ENKUR: variants seen among roughly 807,000 people sequenced by gnomAD.
The protein encoded by ENKUR is enkurin, TRPC channel interacting protein.
A neutral mutation model predicts 27.6 loss-of-function variants in ENKUR; 19 were observed. That is an observed-to-expected ratio of 0.69 (90% confidence interval 0.48 to 1.01). The LOEUF is 1.01. ENKUR is among the 50% of genes least tolerant of loss of function. The pLI, the probability that ENKUR is intolerant of heterozygous loss-of-function variation, is 0.00. For missense variants in ENKUR, 312 were observed against 310.5 expected, an observed-to-expected ratio of 1.00 and a Z score of -0.04; for synonymous variants, 117 against 96.9, an observed-to-expected ratio of 1.21 and a Z score of -1.22.
chr10:25,044,057 CTG>C (rs1219371924), intron 2 of ENKUR, among the ~76,000 whole-genome samples: 1 of 151,970 alleles, frequency 6.6e-6, no homozygotes, highest in Non-Finnish European at 1.5e-5. Flanking sequence ...TCTGGATCAT[CTG>C]TAAGACTGTT....
At chr10:25,019,667 A>T (rs1268515763), upstream of ENKUR, among the ~76,000 whole-genome samples, 1 of 152,208 alleles carries the variant, frequency 6.6e-6, no homozygotes, top group East Asian at 1.9e-4. Flanking sequence ...GGACTTGCAC[A>T]TCTGCAGATT....
At chr10:25,042,188 G>A (rs575373286) in intron 2 of ENKUR, among the ~76,000 whole-genome samples, 62 of 151,122 alleles carry the variant, frequency 4.1e-4, no homozygotes, top group African/African-American at 1.5e-3. Flanking sequence ...ATTATTTTAT[G>A]TACATTTATA....
chr10:24,999,325 TTCA>T, intron 2 of ENKUR, 73 bp downstream of exon 2: 5 of 1,405,144 alleles, frequency 3.6e-6, no homozygotes, highest in Non-Finnish European at 4.9e-6. Context: ...ATGTTTAATA[TTCA>T]TCAACAATAA....
intron 2 of ENKUR, chr10:25,025,658 C>T (rs1437101149): frequency 1.0e-5 from 6 of 585,798 alleles, no homozygotes; most frequent in Non-Finnish European, 1.8e-5. Flanking sequence ...CAAAAGGTAA[C>T]ACAGTGCACG....
Position 25,022,913 on chromosome 10 carries a change from G to GT in ENKUR, c.38-27045dup, listed in dbSNP as rs549489186. 1.6e-3 allele frequency among the ~76,000 whole-genome samples: 251 copies of GT among 152,174 alleles called. 1 individual carries two copies. Among genetic ancestry groups the GT allele is most frequent in the African/African-American group, 5.5e-3 (230 of 41,562 alleles). On this transcript the variant is annotated intron_variant, in intron 2 of 5. Coordinates refer to the ENKUR transcript ENST00000615958. Reference sequence around the variant, plus strand: ...TGGCACTTTGTGAATACAAGTTTCTGTTTTTTATAGTTACAAATTTTGTCA... The same window carrying GT: ...TGGCACTTTGTGAATACAAGTTTCTGTTTTTTTATAGTTACAAATTTTGTCA...
intron 3 of ENKUR, among the ~76,000 whole-genome samples, chr10:24,992,729 T>C (rs1283594724): frequency 6.6e-6 from 1 of 152,186 alleles, no homozygotes; most frequent in Non-Finnish European, 1.5e-5. Flanking sequence ...TTGGGGATTG[T>C]TTGTCATCAC....
At chr10:25,055,843 A>G (rs911533904) in intron 2 of ENKUR, among the ~76,000 whole-genome samples, 31 of 152,108 alleles carry the variant, frequency 2.0e-4, no homozygotes, top group Admixed American at 1.6e-3. Context: ...CTACTTTTCC[A>G]TTAGAGGAAT....
intron 5 of ENKUR, 143 bp downstream of exon 5, chr10:24,984,593 T>G (rs1256728612): frequency 2.9e-6 from 3 of 1,043,622 alleles, no homozygotes; most frequent in Non-Finnish European, 4.0e-6. Flanking sequence ...AATTATTCTT[T>G]GCATATTGCC....
exon 1 of ENKUR, chr10:25,062,200 G>A (rs904687951): frequency 3.3e-5 from 5 of 152,140 alleles, no homozygotes; most frequent in East Asian, 1.9e-4. Context: ...CTAATCCTGC[G>A]TATTGAGTCA....
intron 2 of ENKUR, among the ~76,000 whole-genome samples, chr10:25,036,174 T>G (rs1474243614): frequency 6.6e-6 from 1 of 152,144 alleles, no homozygotes; most frequent in African/African-American, 2.4e-5. Flanking sequence ...AGTTCCCACA[T>G]GTTGTAGGAG....
In ENKUR at chr10:24,997,175, G is replaced by T. The variant is rs548891036; in HGVS notation, c.224-1306C>A. ...GCTGCAGTGTGCTTTCATCATGCCT[G>T]TGAATAGCCACCACACACTCCAGCC... On this transcript the variant is annotated intron_variant, in intron 2 of 5. Transcript: ENST00000331161. Among the ~76,000 whole-genome samples the T allele has an allele frequency of 2.6e-5, 4 of 152,114 alleles. No individual in the cohort carries two copies. The South Asian group carries it at 8.3e-4, about 32-fold the overall frequency.
chr10:25,053,794 T>A (rs1264234508), intron 2 of ENKUR, among the ~76,000 whole-genome samples: 1 of 134,998 alleles, frequency 7.4e-6, no homozygotes, highest in Non-Finnish European at 1.7e-5. Flanking sequence ...CAGCACTGAT[T>A]TTTTTTAAAT....
intron 2 of ENKUR, among the ~76,000 whole-genome samples, chr10:25,038,716 C>G (rs941441271): frequency 6.6e-6 from 1 of 152,176 alleles, no homozygotes; most frequent in African/African-American, 2.4e-5. Context: ...CCCTACAACC[C>G]TGTTTTAGGT....
At chr10:25,027,377 A>AAAAAC (rs1850875587) in intron 2 of ENKUR, among the ~76,000 whole-genome samples, 1 of 145,026 alleles carries the variant, frequency 6.9e-6, no homozygotes, top group African/African-American at 2.5e-5. Flanking sequence ...AAAAAAAAAA[A>AAAAAC]AAAAAAAAAA....
intron 2 of ENKUR, among the ~76,000 whole-genome samples, chr10:25,051,453 G>T (rs1851185382): frequency 6.6e-6 from 1 of 152,176 alleles, no homozygotes; most frequent in Non-Finnish European, 1.5e-5. Context: ...CATGATGCTG[G>T]CATCTGCTCA....
At position 24,984,198 on chromosome 10, in the gene ENKUR, A is replaced by G; in HGVS notation, c.*172T>C. 1 of 659,606 alleles carries G rather than the reference A, an allele frequency of 1.5e-6. No homozygotes were observed. The highest frequency in any genetic ancestry group is 2.4e-6 in the Non-Finnish European group (1 of 412,236). The allele number at this position is 659,606 out of a possible 1,614,324, so 40.9% of individuals were successfully genotyped here. On this transcript the variant is annotated 3_prime_UTR_variant, in exon 6 of 6. Transcript: ENST00000331161. ...CATATACAGTGTTACGAATACTGAA[A>G]ATATTTCTCACTGGGAATAACTGCA...
At chr10:25,045,982 T>A (rs1177990934) in intron 2 of ENKUR, among the ~76,000 whole-genome samples, 1 of 152,200 alleles carries the variant, frequency 6.6e-6, no homozygotes, top group East Asian at 1.9e-4. Context: ...ATTTCATAGT[T>A]CAAATATAAT....
At chr10:25,052,538 G>A (rs1030966627) in intron 2 of ENKUR, among the ~76,000 whole-genome samples, 1 of 152,140 alleles carries the variant, frequency 6.6e-6, no homozygotes, top group Non-Finnish European at 1.5e-5. Context: ...AGGCCAAGGT[G>A]GGAGAATCGC....
Position 24,984,233 on chromosome 10 carries a change from G to A in ENKUR, c.*137C>T. 1 of 940,722 alleles carries A rather than the reference G, an allele frequency of 1.1e-6. No individual in the cohort carries two copies. The highest frequency in any genetic ancestry group is 2.1e-5 in the South Asian group (1 of 46,638). The allele number at this position is 940,722 out of a possible 1,614,324, so 58.3% of individuals were successfully genotyped here. On this transcript the variant is annotated 3_prime_UTR_variant, in exon 6 of 6. Transcript: ENST00000331161. Reference sequence around the variant, plus strand: ...ACTGGGAATAACTGCAAATGTCATGGGCCACAGGAAAATACATCTTTTGCA... The same window carrying A: ...ACTGGGAATAACTGCAAATGTCATGAGCCACAGGAAAATACATCTTTTGCA...
Sources: gnomAD v4.1 joint callset for allele counts (sites outside exome capture counted in the v4.1 genomes callset) on GRCh38, gnomAD v4.1.1 for gene constraint, MANE v1.5 for transcripts, NCBI Gene and HGNC (gene_info 2026-07-23, HGNC 2026-07-21) for gene names.